ANTXR2: variants seen among roughly 807,000 people sequenced by gnomAD.
ANTXR2 encodes the protein ANTXR cell adhesion molecule 2, also known as anthrax toxin receptor 2.
In ANTXR2, 44 loss-of-function variants were observed where a neutral mutation model predicts 73.7. The ratio of observed to expected loss-of-function variants is 0.60; its 90% CI spans 0.47 to 0.77. The LOEUF (loss-of-function observed/expected upper bound fraction) is 0.77, where lower values mean the gene tolerates loss of function less well. Ranked by LOEUF, ANTXR2 falls within the 30% of genes least tolerant of loss-of-function variation. The probability of loss-of-function intolerance (pLI) is 0.00; values close to 1 mark genes in which losing one functional copy is unlikely to be tolerated. For synonymous variants in ANTXR2, 217 were observed against 205.9 expected (o/e 1.05, Z -0.46); for missense variants, 604 against 592.5 (o/e 1.02, Z -0.20).
chr4:79,959,027 CA>C (rs1167702750), intron 16 of ANTXR2, among the ~76,000 whole-genome samples: 1 of 150,968 alleles, frequency 6.6e-6, no homozygotes, highest in African/African-American at 2.4e-5. Context: ...AAATAAAGAT[CA>C]AATGTTTTTA....
intron 3 of ANTXR2, among the ~76,000 whole-genome samples, 168 bp from the exon 4 acceptor site, chr4:80,056,181 T>C (rs1421388753): frequency 6.6e-6 from 1 of 151,948 alleles, no homozygotes; most frequent in African/African-American, 2.4e-5. Context: ...GTAATTTTAG[T>C]AAGTATTTAA....
chr4:80,010,639 T>C (rs1484357933), intron 11 of ANTXR2, among the ~76,000 whole-genome samples: 1 of 152,176 alleles, frequency 6.6e-6, no homozygotes, highest in Non-Finnish European at 1.5e-5. Flanking sequence ...GTTTGTTTCT[T>C]CTATGCATGT....
chr4:79,936,865 G>A (rs1210676347), intron 16 of ANTXR2, among the ~76,000 whole-genome samples: 1 of 151,814 alleles, frequency 6.6e-6, no homozygotes, highest in Non-Finnish European at 1.5e-5. Context: ...CACACTAAAG[G>A]TACTACACTC....
intron 16 of ANTXR2, among the ~76,000 whole-genome samples, chr4:79,919,669 A>C (rs1160036154): frequency 6.6e-6 from 1 of 151,708 alleles, no homozygotes; most frequent in Non-Finnish European, 1.5e-5. Context: ...TTGACCACAG[A>C]CTAAGGCTGC....
intron 16 of ANTXR2, among the ~76,000 whole-genome samples, chr4:79,933,626 G>A (rs1728141312): frequency 6.6e-6 from 1 of 151,654 alleles, no homozygotes; most frequent in Non-Finnish European, 1.5e-5. Flanking sequence ...ATGTATACAT[G>A]TGCCATGTTG....
intron 10 of ANTXR2, among the ~76,000 whole-genome samples, chr4:80,021,175 T>C (rs898920541): frequency 7.1e-5 from 9 of 126,414 alleles, no homozygotes; most frequent in African/African-American, 1.9e-4. Context: ...AAAAAAAAGA[T>C]GGTTTAGCTA....
chr4:79,955,264 T>A (rs888498095), intron 16 of ANTXR2, among the ~76,000 whole-genome samples: 1 of 152,176 alleles, frequency 6.6e-6, no homozygotes, highest in Non-Finnish European at 1.5e-5. Context: ...CTCTCTTTCA[T>A]ATGCAGTTAT....
rs1272047152 is a variant in ANTXR2 at position 79,974,654 on chromosome 4, GATAA to G, written c.1428+2963_1428+2966del. Among the ~76,000 whole-genome samples, 6 of 151,456 alleles carry G rather than the reference GATAA, an allele frequency of 4.0e-5. No individual in the cohort carries two copies. In the East Asian group the frequency reaches 7.7e-4, roughly 20 times the overall value. On this transcript the variant is annotated intron_variant, in intron 16 of 16. Transcript: ENST00000403729. ...GGAGATGATGCTTTACATAATATTTGATAAATAGATTATATCATATTCCTAAAAT... is the reference window on the plus strand; with the variant it reads ...GGAGATGATGCTTTACATAATATTTGATAGATTATATCATATTCCTAAAAT...
chr4:79,956,643 C>A (rs923015135), intron 16 of ANTXR2, among the ~76,000 whole-genome samples: 1 of 152,052 alleles, frequency 6.6e-6, no homozygotes, highest in African/African-American at 2.4e-5. Flanking sequence ...TTAGCTGAAT[C>A]GGAGTTCTGA....
chr4:79,959,575 A>G (rs1360033716), intron 16 of ANTXR2, among the ~76,000 whole-genome samples: 1 of 152,210 alleles, frequency 6.6e-6, no homozygotes, highest in Non-Finnish European at 1.5e-5. Flanking sequence ...CTGTACCCAG[A>G]ATTAGAAAGT....
At chr4:79,981,455 A>T (rs1729886479) in intron 14 of ANTXR2, among the ~76,000 whole-genome samples, 1 of 152,172 alleles carries the variant, frequency 6.6e-6, no homozygotes, top group African/African-American at 2.4e-5. Flanking sequence ...GGTATATTTT[A>T]AATTCATTTA....
chr4:80,011,313 A>ATCTATCTATCTGTCTG (rs1418775312), intron 11 of ANTXR2, among the ~76,000 whole-genome samples: 22 of 116,880 alleles, frequency 1.9e-4, no homozygotes, highest in African/African-American at 5.8e-4. Flanking sequence ...CTATCTATCT[A>ATCTATCTATCTGTCTG]TCTGTCTATC....
At chr4:79,910,507 C>CAAAAAAAAAAA (rs144527286) in intron 16 of ANTXR2, among the ~76,000 whole-genome samples, 2 of 95,642 alleles carry the variant, frequency 2.1e-5, no homozygotes, top group African/African-American at 4.1e-5. Flanking sequence ...GACTCCGTCT[C>CAAAAAAAAAAA]AAAAAAAAAA....
At chr4:80,050,035 GAC>G (rs1284941335) in intron 7 of ANTXR2, among the ~76,000 whole-genome samples, 2 of 151,684 alleles carry the variant, frequency 1.3e-5, no homozygotes, top group African/African-American at 4.8e-5. Flanking sequence ...CATTGCGAAA[GAC>G]AGAATCCCAG....
At chr4:80,035,817 A>G (rs1049201216) in intron 8 of ANTXR2, among the ~76,000 whole-genome samples, 155 bp downstream of exon 8, 2 of 152,170 alleles carry the variant, frequency 1.3e-5, no homozygotes, top group African/African-American at 4.8e-5. Context: ...TAAAATAGAA[A>G]TATTTCAAGG....
chr4:79,979,522 A>C (rs1729793820), intron 14 of ANTXR2, among the ~76,000 whole-genome samples: 1 of 152,194 alleles, frequency 6.6e-6, no homozygotes, highest in African/African-American at 2.4e-5. Flanking sequence ...AGGCTTACTT[A>C]GATGTTTTTA....
At chr4:80,019,909 T>C (rs1732075231) in intron 10 of ANTXR2, among the ~76,000 whole-genome samples, 1 of 152,184 alleles carries the variant, frequency 6.6e-6, no homozygotes, top group South Asian at 2.1e-4. Context: ...ATTTCATTAA[T>C]TTAGATTGAT....
chr4:80,072,246 C>G (rs1734826211), intron 1 of ANTXR2, among the ~76,000 whole-genome samples, 163 bp downstream of exon 1: 1 of 152,190 alleles, frequency 6.6e-6, no homozygotes, highest in African/African-American at 2.4e-5. Context: ...TCCGCCCACA[C>G]AGATCCGAAC....
chr4:80,002,805 A>G (rs1238237247), intron 12 of ANTXR2, among the ~76,000 whole-genome samples: 2 of 151,734 alleles, frequency 1.3e-5, no homozygotes, highest in African/African-American at 4.8e-5. Context: ...AAAACACATG[A>G]AAAAATGCTC....
Sources: gnomAD v4.1 joint callset for allele counts (sites outside exome capture counted in the v4.1 genomes callset) on GRCh38, gnomAD v4.1.1 for gene constraint, MANE v1.5 for transcripts, NCBI Gene and HGNC (gene_info 2026-07-23, HGNC 2026-07-21) for gene names.